COPG2: variants seen among roughly 807,000 people sequenced by gnomAD.
COPG2 encodes the protein coat protein complex I subunit gamma 2.
COPG2 carries 37 observed loss-of-function variants against 46.3 expected under a neutral mutation model. The observed-to-expected ratio is 0.80, with a 90% CI of 0.61 to 1.05. The LOEUF (loss-of-function observed/expected upper bound fraction) is 1.05. Among genes scored for constraint, COPG2 ranks in the 50% least tolerant of loss-of-function variants. The pLI is 0.00. For missense variants in COPG2, 427 were observed against 387.8 expected (o/e 1.10, Z -0.85); for synonymous variants, 159 against 129.7 (o/e 1.23, Z -1.53).
chr7:130,507,879 T>C (rs1296545779), intron 21 of COPG2, 56 bp from the exon 22 acceptor site: 2 of 764,262 alleles, frequency 2.6e-6, no homozygotes, highest in African/African-American at 3.4e-5. Context: ...AGGGCAAAGA[T>C]AAAGGAACTA....
At position 130,585,285 on chromosome 7, in the gene COPG2, TC is replaced by T. The variant is rs1197455179; in HGVS notation, c.738-20893del. ...CCACATGTAGCAGAATGAAACTGGATCCTCATCGCTTACCTTATACAAAAAT... is the reference window on the plus strand; with the variant it reads ...CCACATGTAGCAGAATGAAACTGGATCTCATCGCTTACCTTATACAAAAAT... On this transcript the variant is annotated intron_variant, in intron 9 of 23. Coordinates refer to ENST00000425248, the MANE Select transcript of COPG2 (RefSeq NM_012133.6). 2.7e-4 allele frequency among the ~76,000 whole-genome samples: 41 copies of T among 152,004 alleles called. 1 individual carries two copies. Among genetic ancestry groups the T allele is most frequent in the Admixed American group, 2.3e-3 (35 of 15,236 alleles).
intron 12 of COPG2, 79 bp downstream of exon 12, chr7:130,560,954 C>G: frequency 2.5e-6 from 1 of 397,842 alleles, no homozygotes. Flanking sequence ...AAAACTTCTG[C>G]TTCTCAAATG....
chr7:130,658,529 C>G (rs1178038538), intron 4 of COPG2, among the ~76,000 whole-genome samples: 2 of 151,922 alleles, frequency 1.3e-5, no homozygotes, highest in East Asian at 3.9e-4. Context: ...ATGAATTTTA[C>G]CGCATGTAAA....
At chr7:130,659,348 C>A (rs1554460317) in intron 4 of COPG2, among the ~76,000 whole-genome samples, 1 of 8,078 alleles carries the variant, frequency 1.2e-4, no homozygotes, top group African/African-American at 2.9e-4. Context: ...GAGCAAGACT[C>A]CGTCTCAAAA....
At chr7:130,659,543 G>A (rs1795932378) in intron 4 of COPG2, among the ~76,000 whole-genome samples, 2 of 152,160 alleles carry the variant, frequency 1.3e-5, no homozygotes, top group South Asian at 4.1e-4. Context: ...TCACATATTG[G>A]AATTCCATAT....
intron 9 of COPG2, among the ~76,000 whole-genome samples, chr7:130,577,708 C>T (rs1464412365): frequency 2.0e-5 from 3 of 148,672 alleles, no homozygotes; most frequent in African/African-American, 5.0e-5. Context: ...TTGCAGTGAG[C>T]CGAGATTGCG....
intron 5 of COPG2, among the ~76,000 whole-genome samples, chr7:130,620,371 C>T (rs1229266115): frequency 6.6e-6 from 1 of 152,108 alleles, no homozygotes; most frequent in Non-Finnish European, 1.5e-5. Flanking sequence ...ATGACTACCC[C>T]ATAACCACTT....
intron 9 of COPG2, among the ~76,000 whole-genome samples, chr7:130,584,267 A>T (rs1554447702): frequency 1.3e-5 from 2 of 152,054 alleles, no homozygotes; most frequent in African/African-American, 4.8e-5. Context: ...GCATCCCTTT[A>T]TGATTAAAAC....
intron 9 of COPG2, among the ~76,000 whole-genome samples, chr7:130,571,790 A>C (rs782104476): frequency 1.3e-4 from 20 of 152,122 alleles, no homozygotes; most frequent in East Asian, 3.8e-4. Context: ...ATATGGAACC[A>C]GCCCAAATGC....
At chr7:130,569,014 C>T (rs1036282110) in intron 9 of COPG2, among the ~76,000 whole-genome samples, 2,556 of 151,886 alleles carry the variant, frequency 0.017, 68 homozygotes, top group African/African-American at 0.059. Context: ...TTGAACTGAA[C>T]AATAATAGTA....
rs1011864756 is a variant in COPG2 at position 130,556,505 on chromosome 7, C to A, written c.1129-1373G>T. Among the ~76,000 whole-genome samples the A allele has an allele frequency of 1.4e-3, 213 of 152,046 alleles. 1 individual carries two copies. The highest frequency in any genetic ancestry group is 0.01 in the Middle Eastern group (3 of 294). ...CAAATCCATATATACAGTTTCAGAG[C>A]ATAGAAAATGAAAGAAAATCTCCAT... On this transcript the variant is annotated intron_variant, in intron 12 of 23. Transcript: ENST00000425248.
In COPG2 at chr7:130,612,215, A is replaced by G; in HGVS notation, c.516T>C (p.Asp172=). 3 of 1,602,668 alleles carry G rather than the reference A, an allele frequency of 1.9e-6. No homozygotes were observed. The highest frequency in any genetic ancestry group is 2.6e-6 in the Non-Finnish European group (3 of 1,176,070). Residue 172 remains aspartate, a synonymous_variant, in exon 8 of 24, where the codon GAT becomes GAC. Coordinates refer to ENST00000425248, the MANE Select transcript of COPG2 (RefSeq NM_012133.6). ...CTTCATTGATCCAGCGCTTAACCAC[A>G]TCATAGCTTATCTTCATCATGTGCT... is the stretch of plus-strand genomic sequence containing the variant. The part of the protein sequence containing the change: ...SSLHMMKISY[D]VVKRWINEAQ...
chr7:130,510,902 TGA>T (rs1584958600), intron 20 of COPG2: 1 of 519,542 alleles, frequency 1.9e-6, no homozygotes, highest in Non-Finnish European at 3.8e-6. Context: ...AATGTAAATA[TGA>T]GAGTTACACA....
At chr7:130,606,910 T>C (rs1554451336) in intron 9 of COPG2, among the ~76,000 whole-genome samples, 1 of 152,198 alleles carries the variant, frequency 6.6e-6, no homozygotes, top group Non-Finnish European at 1.5e-5. Context: ...GTCGTTTCCA[T>C]TTCCCCTGTT....
rs1554440424 is a variant in COPG2, at chr7:130,507,781, C to T, written c.2290G>A (p.Val764Ile). The T allele has an allele frequency of 1.3e-6, 1 of 780,584 alleles. No individual in the cohort carries two copies. Among genetic ancestry groups the T allele is most frequent in the Non-Finnish European group, 2.4e-6 (1 of 417,880 alleles). The allele number at this position is 780,584 out of a possible 1,614,324, so 48.4% of individuals were successfully genotyped here. The change falls in exon 22 of 24, where the codon GTA becomes ATA. Residue 764 changes from valine (V) to isoleucine (I), a missense_variant. Coordinates refer to ENST00000425248, the MANE Select transcript of COPG2 (RefSeq NM_012133.6). Reference sequence around the variant, plus strand: ...GCAGCAGCAAAGTTAGGCTTCAGTACTTTCTGAATATGGTCAGACACAGTC... The same window carrying T: ...GCAGCAGCAAAGTTAGGCTTCAGTATTTTCTGAATATGGTCAGACACAGTC... ...EVTVSDHIQK[V>I]LKPNFAAAWE...
chr7:130,590,567 G>T (rs1344363446), intron 9 of COPG2, among the ~76,000 whole-genome samples: 1 of 152,036 alleles, frequency 6.6e-6, no homozygotes, highest in Non-Finnish European at 1.5e-5. Flanking sequence ...GCTCAATGGT[G>T]CCCAGGCTGG....
At position 130,611,038 on chromosome 7, in the gene COPG2, A is replaced by G. The variant is rs1794838257; in HGVS notation, c.652T>C (p.Phe218Leu). Reference protein sequence around the residue: ...RLAVSKMLNKFTKSGLKSQFA... With the variant: ...RLAVSKMLNKLTKSGLKSQFA... ...TGTGACTTGAGACCAGATTTAGTAAACTTATTCAACATCTTGGAAACAGCA... is the reference window on the plus strand; with the variant it reads ...TGTGACTTGAGACCAGATTTAGTAAGCTTATTCAACATCTTGGAAACAGCA... Residue 218 changes from phenylalanine (F) to leucine (L), a missense_variant, in exon 9 of 24, where the codon TTT (phenylalanine) becomes CTT (leucine). Coordinates refer to ENST00000425248, the MANE Select transcript of COPG2 (RefSeq NM_012133.6). 6.2e-7 allele frequency: 1 copy of G among 1,613,786 alleles called. No individual in the cohort carries two copies. Among genetic ancestry groups the G allele is most frequent in the Non-Finnish European group, 8.5e-7 (1 of 1,179,840 alleles).
intron 8 of COPG2, among the ~76,000 whole-genome samples, chr7:130,611,338 G>A (rs1794845346): frequency 6.6e-6 from 1 of 152,144 alleles, no homozygotes; most frequent in Non-Finnish European, 1.5e-5. Flanking sequence ...CATAAAGGAG[G>A]TGACATACAA....
intron 4 of COPG2, among the ~76,000 whole-genome samples, chr7:130,655,835 A>G (rs1333821517): frequency 2.0e-5 from 3 of 152,204 alleles, no homozygotes; most frequent in African/African-American, 7.2e-5. Context: ...CTAGGTATTT[A>G]TAGTAGCAGG....
Sources: gnomAD v4.1 joint callset for allele counts (sites outside exome capture counted in the v4.1 genomes callset) on GRCh38, gnomAD v4.1.1 for gene constraint, MANE v1.5 for transcripts, NCBI Gene and HGNC (gene_info 2026-07-23, HGNC 2026-07-21) for gene names.